The following ALPK2 variants were observed in gnomAD, a reference collection of about 807,000 sequenced individuals.
ALPK2 encodes alpha-protein kinase 2.
In ALPK2, 127 loss-of-function variants were observed where a neutral mutation model predicts 163.1. The observed-to-expected ratio is 0.78, with a 90% CI of 0.67 to 0.90. The LOEUF is 0.90. Among genes scored for constraint, ALPK2 ranks in the 40% least tolerant of loss-of-function variants. The pLI is 0.00. For missense variants in ALPK2, 2,360 were observed against 2,589.6 expected (o/e 0.91, Z 1.92); for synonymous variants, 953 against 959.1 (o/e 0.99, Z 0.12).
At position 58,578,982 on chromosome 18, in the gene ALPK2, A is replaced by G; in HGVS notation, c.1794T>C (p.Asp598=). The change falls in exon 4 of 13, where the codon GAT becomes GAC. Residue 598 remains aspartate, a synonymous_variant. Coordinates refer to ENST00000361673, the MANE Select transcript of ALPK2 (RefSeq NM_052947.4). Reference sequence around the variant, plus strand: ...GGGTTGAAATAGCACATTCTCTTGCATCAGCATGGGAACTCCGACCAGTCG... The same window carrying G: ...GGGTTGAAATAGCACATTCTCTTGCGTCAGCATGGGAACTCCGACCAGTCG... ...AAATGRSSHA[D]ARECAISTQA... is the part of the protein sequence containing the mutation. The G allele has an allele frequency of 6.2e-7, 1 of 1,614,224 alleles. No individual in the cohort carries two copies. The highest frequency in any genetic ancestry group is 1.3e-5 in the African/African-American group (1 of 75,046).
chr18:58,509,902 G>A (rs1443382241), intron 10 of ALPK2, among the ~76,000 whole-genome samples: 1 of 151,948 alleles, frequency 6.6e-6, no homozygotes, highest in Non-Finnish European at 1.5e-5. Flanking sequence ...GATCCCATTT[G>A]TCAATTTTGG....
intron 12 of ALPK2, among the ~76,000 whole-genome samples, chr18:58,496,870 C>T (rs1187597597): frequency 6.6e-6 from 1 of 152,184 alleles, no homozygotes; most frequent in African/African-American, 2.4e-5. Context: ...CAGAGCCACA[C>T]CCCTAATACC....
chr18:58,551,367 A>G (rs540399835), intron 4 of ALPK2, among the ~76,000 whole-genome samples: 1 of 152,208 alleles, frequency 6.6e-6, no homozygotes, highest in East Asian at 1.9e-4. Context: ...CTGTAGATGC[A>G]TCACTCCAGT....
Position 58,537,333 on chromosome 18 carries a change from G to C in ALPK2, c.2854C>G (p.Pro952Ala), listed in dbSNP as rs1251823435. ...ETQLLSSENN[P>A]LVQFKEGGDK... is the part of the protein sequence containing the mutation. ...CCTCCTTCTTTAAATTGCACTAAAG[G>C]ATTGTTCTCAGAAGAAAGGAGCTGT... The change falls in exon 5 of 13, where the codon CCT (proline) becomes GCT (alanine). Residue 952 changes from proline to alanine, a missense_variant. Pro to Ala is a conservative substitution (Grantham distance 27, BLOSUM62 -1). Coordinates refer to ENST00000361673, the MANE Select transcript of ALPK2 (RefSeq NM_052947.4). 11 of 1,614,010 alleles carry C rather than the reference G, an allele frequency of 6.8e-6. No homozygotes were observed. The highest frequency in any genetic ancestry group is 1.7e-5 in the Admixed American group (1 of 60,008).
At chr18:58,601,439 T>C (rs990095674) in intron 3 of ALPK2, among the ~76,000 whole-genome samples, 1 of 152,218 alleles carries the variant, frequency 6.6e-6, no homozygotes, top group African/African-American at 2.4e-5. Flanking sequence ...TGTTGCAATG[T>C]GACTTTGCCA....
At chr18:58,573,346 G>GTGTATATATATGTA (rs1568089421) in intron 4 of ALPK2, among the ~76,000 whole-genome samples, 1 of 135,652 alleles carries the variant, frequency 7.4e-6, no homozygotes, top group Admixed American at 7.2e-5. Flanking sequence ...GTATATATAT[G>GTGTATATATATGTA]TATATATATA....
At chr18:58,483,527 CACTT>C (rs1377922580) in intron 12 of ALPK2, among the ~76,000 whole-genome samples, 1 of 107,670 alleles carries the variant, frequency 9.3e-6, no homozygotes, top group African/African-American at 3.7e-5. Context: ...AAGTCCTACT[CACTT>C]TATTTATTTA....
intron 3 of ALPK2, among the ~76,000 whole-genome samples, chr18:58,604,763 A>G (rs1161445637): frequency 1.3e-5 from 2 of 152,062 alleles, no homozygotes; most frequent in Admixed American, 6.6e-5. Context: ...CAAATCTTCA[A>G]TTTTCATGGA....
At chr18:58,603,978 C>A (rs532311434) in intron 3 of ALPK2, among the ~76,000 whole-genome samples, 1 of 152,270 alleles carries the variant, frequency 6.6e-6, no homozygotes, top group South Asian at 2.1e-4. Flanking sequence ...TCTTCCCCGC[C>A]GTCTCACTTG....
chr18:58,557,895 G>A (rs1377340378), intron 4 of ALPK2, among the ~76,000 whole-genome samples: 2 of 151,880 alleles, frequency 1.3e-5, no homozygotes, highest in Non-Finnish European at 2.9e-5. Flanking sequence ...GCTGCAGTGA[G>A]CTATGATCAC....
intron 5 of ALPK2, 151 bp from the exon 6 acceptor site, chr18:58,529,389 G>A: frequency 1.2e-6 from 1 of 839,514 alleles, no homozygotes; most frequent in Admixed American, 3.4e-5. Flanking sequence ...GAGGTGGCTT[G>A]CCTAAATAGT....
chr18:58,529,268 A>T, intron 5 of ALPK2, 30 bp from the exon 6 acceptor site: 1 of 1,587,718 alleles, frequency 6.3e-7, no homozygotes, highest in Non-Finnish European at 8.6e-7. Context: ...AGGTCAGTGT[A>T]ACAAAAGACT....
chr18:58,536,272 T>G lies in ALPK2; in HGVS notation c.3915A>C (p.Ser1305=). The G allele has an allele frequency of 1.9e-6, 3 of 1,614,262 alleles. No homozygotes were observed. The highest frequency in any genetic ancestry group is 2.5e-6 in the Non-Finnish European group (3 of 1,180,042). The change falls in exon 5 of 13, where the codon TCA becomes TCC. Residue 1305 remains serine, a synonymous_variant. Coordinates refer to ENST00000361673, the MANE Select transcript of ALPK2 (RefSeq NM_052947.4). ...ALAHSPEDAE[S]ALADSRESHK... is the part of the protein sequence containing the mutation. ...GGCTTTCTCTGCTATCAGCAAGGGCTGACTCAGCATCCTCTGGACTGTGAG... is the reference window on the plus strand; with the variant it reads ...GGCTTTCTCTGCTATCAGCAAGGGCGGACTCAGCATCCTCTGGACTGTGAG...
intron 12 of ALPK2, among the ~76,000 whole-genome samples, chr18:58,496,372 A>G (rs2051401110): frequency 6.6e-6 from 1 of 152,222 alleles, no homozygotes; most frequent in African/African-American, 2.4e-5. Flanking sequence ...TCTGGTGAGC[A>G]CAGGGGAGAA....
At chr18:58,625,221 A>G (rs1485479328) in intron 1 of ALPK2, among the ~76,000 whole-genome samples, 2 of 150,670 alleles carry the variant, frequency 1.3e-5, no homozygotes, top group Non-Finnish European at 2.9e-5. Flanking sequence ...ACTAGAGACC[A>G]TTAGCCTCAG....
At chr18:58,532,351 G>A (rs952055113) in intron 5 of ALPK2, among the ~76,000 whole-genome samples, 6 of 152,142 alleles carry the variant, frequency 3.9e-5, no homozygotes, top group East Asian at 1.9e-4. Context: ...GAGGTTGGCC[G>A]CCAGTGGCAA....
chr18:58,610,860 C>T (rs377619338), intron 2 of ALPK2, among the ~76,000 whole-genome samples: 35 of 152,030 alleles, frequency 2.3e-4, no homozygotes, highest in South Asian at 4.2e-4. Context: ...TTTGGGAGGC[C>T]GAGGCAGGCA....
chr18:58,623,702 G>A (rs1409779498), intron 1 of ALPK2, among the ~76,000 whole-genome samples: 1 of 152,222 alleles, frequency 6.6e-6, no homozygotes, highest in African/African-American at 2.4e-5. Flanking sequence ...CTGACCTCAA[G>A]TGATCCTCCC....
rs755484511 is a variant in ALPK2 at position 58,579,071 on chromosome 18, C to A, written c.1705G>T (p.Glu569Ter). The A allele has an allele frequency of 6.2e-7, 1 of 1,614,242 alleles. No individual in the cohort carries two copies. The highest frequency in any genetic ancestry group is 8.5e-7 in the Non-Finnish European group (1 of 1,180,038). The change falls in exon 4 of 13, where the codon GAA becomes TAA. Residue 569 changes from glutamate to a stop codon, truncating the protein, a stop_gained. Coordinates refer to ENST00000361673, the MANE Select transcript of ALPK2 (RefSeq NM_052947.4). LOFTEE classifies it high-confidence loss of function. ...TGGGTTAGTGGGGGCTCAGCAGATT[C>A]TTTGGCAGAGCAGAGATGAAGGGTA... is the stretch of plus-strand genomic sequence containing the variant. ...EGTLHLCSAKESAEPPLTQSD... is the reference protein window; with the variant it reads ...EGTLHLCSAK
Sources: gnomAD v4.1 joint callset for allele counts (sites outside exome capture counted in the v4.1 genomes callset) on GRCh38, gnomAD v4.1.1 for gene constraint, MANE v1.5 for transcripts, NCBI Gene and HGNC (gene_info 2026-07-23, HGNC 2026-07-21) for gene names.